CRB1: variants seen among roughly 807,000 people sequenced by gnomAD.
The protein encoded by CRB1 is protein crumbs homolog 1.
Under a neutral mutation model 120.0 loss-of-function variants are expected in CRB1, and 83 were observed. That is an observed-to-expected ratio of 0.69 (90% confidence interval 0.58 to 0.83). The LOEUF (loss-of-function observed/expected upper bound fraction) is 0.83, where lower values mean the gene tolerates loss of function less well. Among genes scored for constraint, CRB1 ranks in the 40% least tolerant of loss-of-function variants. The pLI is 0.00. For synonymous variants in CRB1, 625 were observed against 612.5 expected, an observed-to-expected ratio of 1.02 and a Z score of -0.30; for missense variants, 1,699 against 1,687.6, an observed-to-expected ratio of 1.01 and a Z score of -0.12.
chr1:197,269,115 T>C (rs533002704), intron 1 of CRB1, among the ~76,000 whole-genome samples: 2 of 152,312 alleles, frequency 1.3e-5, no homozygotes, highest in Admixed American at 6.5e-5. Flanking sequence ...TATAGCAGGA[T>C]GGAAAATCAG....
chr1:197,270,086 T>C (rs1654826601), intron 1 of CRB1, among the ~76,000 whole-genome samples: 1 of 152,178 alleles, frequency 6.6e-6, no homozygotes, highest in East Asian at 1.9e-4. Flanking sequence ...CTGAGTTTTT[T>C]TCCCACCTGA....
chr1:197,311,511 C>A (rs1432005724), intron 1 of CRB1, among the ~76,000 whole-genome samples: 2 of 152,134 alleles, frequency 1.3e-5, no homozygotes, highest in African/African-American at 4.8e-5. Flanking sequence ...TCTTGTATTT[C>A]ATTAAAAATT....
At chr1:197,239,873 T>C in the CRB1 span, among the ~76,000 whole-genome samples, 1 of 148,910 alleles carries the variant, frequency 6.7e-6, no homozygotes, top group South Asian at 2.1e-4. Flanking sequence ...TATTGTATAT[T>C]ATTTATATAA....
At position 197,334,424 on chromosome 1, in the gene CRB1, G is replaced by T. The variant is rs190956087; in HGVS notation, c.652+5421G>T. Among the ~76,000 whole-genome samples the T allele has an allele frequency of 5.0e-3, 762 of 152,258 alleles. 2 individuals carry two copies. Among genetic ancestry groups the T allele is most frequent in the African/African-American group, 0.018 (727 of 41,536 alleles). ...AGTATTGGGAGGTGGGAACTAAGAG[G>T]AGGTATTTAGGCCATGAGGATGGAA... On this transcript the variant is annotated intron_variant, in intron 2 of 11. Coordinates refer to ENST00000367400, the MANE Select transcript of CRB1 (RefSeq NM_201253.3).
chr1:197,313,307 G>A (rs1157102884), intron 1 of CRB1, among the ~76,000 whole-genome samples: 1 of 152,102 alleles, frequency 6.6e-6, no homozygotes, highest in East Asian at 1.9e-4. Context: ...ATAAGATTTG[G>A]GTGGGGACAC....
chr1:197,281,593 G>A (rs1655524635), intron 1 of CRB1, among the ~76,000 whole-genome samples: 1 of 151,828 alleles, frequency 6.6e-6, no homozygotes, highest in African/African-American at 2.4e-5. Context: ...AGAAGGGAAA[G>A]CAAGGCTGTA....
the CRB1 span, among the ~76,000 whole-genome samples, chr1:197,219,606 G>T: frequency 6.6e-6 from 1 of 152,170 alleles, no homozygotes; most frequent in Non-Finnish European, 1.5e-5. Flanking sequence ...AAGTCATGTC[G>T]CACAGCGAAT....
intron 5 of CRB1, among the ~76,000 whole-genome samples, chr1:197,377,597 G>T (rs1426781235): frequency 6.6e-6 from 1 of 152,084 alleles, no homozygotes; most frequent in East Asian, 1.9e-4. Flanking sequence ...AGTTTTCCAT[G>T]CCACTTGACA....
At chr1:197,466,390 G>C (rs191050970) in intron 11 of CRB1, among the ~76,000 whole-genome samples, 1 of 152,176 alleles carries the variant, frequency 6.6e-6, no homozygotes, top group African/African-American at 2.4e-5. Flanking sequence ...ATTATAGGAG[G>C]CTATTTTTTT....
At chr1:197,382,918 G>C (rs1472873101) in intron 5 of CRB1, among the ~76,000 whole-genome samples, 1 of 152,084 alleles carries the variant, frequency 6.6e-6, no homozygotes, top group Non-Finnish European at 1.5e-5. Context: ...TAACCTCACT[G>C]ACCTCTCAGG....
intron 4 of CRB1, among the ~76,000 whole-genome samples, chr1:197,354,664 A>T (rs144817681): frequency 1.3e-5 from 2 of 152,150 alleles, no homozygotes; most frequent in African/African-American, 4.8e-5. Flanking sequence ...TGAGTGCTAC[A>T]GCTCATAAAG....
At chr1:197,368,949 A>G (rs1236763030) in intron 5 of CRB1, among the ~76,000 whole-genome samples, 2 of 152,166 alleles carry the variant, frequency 1.3e-5, no homozygotes. Context: ...TGTGGGCCTC[A>G]CCCATTTAAA....
At chr1:197,260,267 A>T in the CRB1 span, among the ~76,000 whole-genome samples, 16 of 151,790 alleles carry the variant, frequency 1.1e-4, no homozygotes, top group Non-Finnish European at 1.3e-4. Flanking sequence ...ATTAAACAAA[A>T]TTTTTTTTTA....
At chr1:197,361,639 T>C (rs1200687278) in intron 5 of CRB1, among the ~76,000 whole-genome samples, 1 of 152,064 alleles carries the variant, frequency 6.6e-6, no homozygotes, top group Non-Finnish European at 1.5e-5. Flanking sequence ...TAATATTGCC[T>C]TATTACTCTT....
intron 5 of CRB1, among the ~76,000 whole-genome samples, chr1:197,372,712 TA>T (rs35605549): frequency 4.8e-4 from 70 of 146,158 alleles, no homozygotes; most frequent in African/African-American, 1.3e-3. Flanking sequence ...TCTGTCTCTT[TA>T]AAAAAAAAAA....
chr1:197,358,430 CA>C (rs746503242), intron 5 of CRB1, among the ~76,000 whole-genome samples: 3 of 152,104 alleles, frequency 2.0e-5, no homozygotes, highest in African/African-American at 7.2e-5. Flanking sequence ...CTTGAATCTG[CA>C]GATCTAAAAG....
chr1:197,363,866 G>A lies in CRB1; in HGVS notation c.1171+6853G>A. 3.2e-6 allele frequency: 3 copies of A among 928,848 alleles called. No homozygotes were observed. In the Admixed American group the frequency reaches 5.1e-5, roughly 16 times the overall value. The allele number at this position is 928,848 out of a possible 1,614,324, so 57.5% of individuals were successfully genotyped here. ...ACCAGGACTGTGATGGTATAGGAAG[G>A]GAACGTGGAAGGTGCATAGAGGACC... On this transcript the variant is annotated intron_variant, in intron 5 of 11. Coordinates refer to ENST00000367400, the MANE Select transcript of CRB1 (RefSeq NM_201253.3).
chr1:197,409,358 GT>G (rs576535390), intron 5 of CRB1, among the ~76,000 whole-genome samples: 31 of 151,816 alleles, frequency 2.0e-4, no homozygotes, highest in East Asian at 1.5e-3. Context: ...TGGGAAAAAT[GT>G]TTTTTTTAAT....
chr1:197,430,336 T>C (rs1664812506), intron 8 of CRB1, among the ~76,000 whole-genome samples: 1 of 152,190 alleles, frequency 6.6e-6, no homozygotes, highest in Non-Finnish European at 1.5e-5. Context: ...AATTCTAATT[T>C]CTTCCCCTTA....
Sources: gnomAD v4.1 joint callset for allele counts (sites outside exome capture counted in the v4.1 genomes callset) on GRCh38, gnomAD v4.1.1 for gene constraint, MANE v1.5 for transcripts, NCBI Gene and HGNC (gene_info 2026-07-23, HGNC 2026-07-21) for gene names.